The following BCL2 variants were observed in gnomAD, a reference collection of about 807,000 sequenced individuals.
The protein encoded by BCL2 is apoptosis regulator Bcl-2.
In BCL2, 1 loss-of-function variant was observed where a neutral mutation model predicts 14.2. The ratio of observed to expected loss-of-function variants is 0.07; its 90% CI spans 0.02 to 0.33. The LOEUF (loss-of-function observed/expected upper bound fraction) is 0.33, where lower values mean the gene tolerates loss of function less well. Among genes scored for constraint, BCL2 ranks in the 10% least tolerant of loss-of-function variants. The pLI, the probability that BCL2 is intolerant of heterozygous loss-of-function variation, is 0.99. For missense variants in BCL2, 247 were observed against 305.9 expected (o/e 0.81, Z 1.44); for synonymous variants, 151 against 137.2 (o/e 1.10, Z -0.70).
At chr18:63,236,397 A>C (rs1386657746) in intron 2 of BCL2, among the ~76,000 whole-genome samples, 1 of 97,852 alleles carries the variant, frequency 1.0e-5, no homozygotes, top group African/African-American at 4.0e-5. Context: ...GGTGCGGGAC[A>C]AAAAGCTGAC....
chr18:63,319,221 T>C lies in BCL2; in HGVS notation c.-334A>G. On this transcript the variant is annotated 5_prime_UTR_variant, in exon 1 of 3. Coordinates refer to ENST00000333681, the MANE Select transcript of BCL2 (RefSeq NM_000633.3). ...GATCCTCTGTCAAGTTTCCTTTTTGTAAAACCAAAACAAATGCATAAGGCA... is the reference window on the plus strand; with the variant it reads ...GATCCTCTGTCAAGTTTCCTTTTTGCAAAACCAAAACAAATGCATAAGGCA... The C allele has an allele frequency of 3.2e-6, 1 of 308,394 alleles. No homozygotes were observed. The highest frequency in any genetic ancestry group is 5.3e-6 in the Non-Finnish European group (1 of 187,900). The allele number at this position is 308,394 out of a possible 1,614,324, so 19.1% of individuals were successfully genotyped here. A position where few individuals can be genotyped will look rare whatever the true frequency, so the allele number is the denominator to read the frequency against.
intron 2 of BCL2, among the ~76,000 whole-genome samples, chr18:63,201,572 C>G (rs1909694493): frequency 2.0e-5 from 3 of 152,098 alleles, no homozygotes; most frequent in Admixed American, 1.3e-4. Flanking sequence ...GACTTGGAAC[C>G]AACCCAAATG....
At chr18:63,277,669 G>C (rs1387212465) in intron 2 of BCL2, among the ~76,000 whole-genome samples, 1 of 150,664 alleles carries the variant, frequency 6.6e-6, no homozygotes, top group African/African-American at 2.4e-5. Flanking sequence ...AATGGGCTTA[G>C]CTTCCCCAGG....
chr18:63,195,573 G>A (rs1909424582), intron 2 of BCL2, among the ~76,000 whole-genome samples: 1 of 152,010 alleles, frequency 6.6e-6, no homozygotes, highest in Non-Finnish European at 1.5e-5. Context: ...ACCTGGAGAG[G>A]ACCACTTGGG....
intron 2 of BCL2, among the ~76,000 whole-genome samples, chr18:63,143,831 A>T (rs1263842636): frequency 6.6e-6 from 1 of 152,226 alleles, no homozygotes; most frequent in Non-Finnish European, 1.5e-5. Flanking sequence ...GCATTCAGGG[A>T]TGCAAACATT....
chr18:63,147,955 C>G (rs943114137), intron 2 of BCL2, among the ~76,000 whole-genome samples: 1 of 152,170 alleles, frequency 6.6e-6, no homozygotes, highest in African/African-American at 2.4e-5. Context: ...AAAGTTTCCA[C>G]ATTTAAGTCT....
At chr18:63,255,209 C>T (rs1387434397) in intron 2 of BCL2, among the ~76,000 whole-genome samples, 1 of 152,328 alleles carries the variant, frequency 6.6e-6, no homozygotes, top group African/African-American at 2.4e-5. Context: ...GTCACCTTCT[C>T]TAGTTTCATA....
At chr18:63,295,880 G>T (rs1912783317) in intron 2 of BCL2, among the ~76,000 whole-genome samples, 1 of 152,090 alleles carries the variant, frequency 6.6e-6, no homozygotes, top group Non-Finnish European at 1.5e-5. Flanking sequence ...TGACAGGTGG[G>T]ATCCACCAAC....
At chr18:63,183,608 A>C (rs1297521474) in intron 2 of BCL2, among the ~76,000 whole-genome samples, 4 of 152,188 alleles carry the variant, frequency 2.6e-5, no homozygotes, top group African/African-American at 9.7e-5. Context: ...ACAAGAAGTA[A>C]ACCAATTCTG....
Position 63,145,904 on chromosome 18 carries a change from C to T in BCL2, c.586-17145G>A, listed in dbSNP as rs191737199. Among the ~76,000 whole-genome samples the T allele has an allele frequency of 2.8e-3, 427 of 152,298 alleles. 1 individual carries two copies. Among genetic ancestry groups the T allele is most frequent in the African/African-American group, 9.5e-3 (393 of 41,566 alleles). On this transcript the variant is annotated intron_variant, in intron 2 of 2. Coordinates refer to ENST00000333681, the MANE Select transcript of BCL2 (RefSeq NM_000633.3). Reference sequence around the variant, plus strand: ...GACCCTGCTCTGTGGGGTAGCTGAACAGCGAGGAGTTGGTGGGAGACAAAA... The same window carrying T: ...GACCCTGCTCTGTGGGGTAGCTGAATAGCGAGGAGTTGGTGGGAGACAAAA...
At chr18:63,179,133 T>C (rs1182611628) in intron 2 of BCL2, among the ~76,000 whole-genome samples, 1 of 152,206 alleles carries the variant, frequency 6.6e-6, no homozygotes, top group Non-Finnish European at 1.5e-5. Context: ...GCCCAATGGC[T>C]GTTTTAACCT....
chr18:63,243,947 T>A (rs959296783), intron 2 of BCL2, among the ~76,000 whole-genome samples: 3 of 152,172 alleles, frequency 2.0e-5, no homozygotes, highest in African/African-American at 7.2e-5. Context: ...CTCTCAAGAT[T>A]TCTAGAAGTT....
intron 2 of BCL2, among the ~76,000 whole-genome samples, chr18:63,300,169 C>T (rs993649008): frequency 6.6e-6 from 1 of 152,160 alleles, no homozygotes; most frequent in Admixed American, 6.6e-5. Context: ...TTAATTTATG[C>T]ACAGACAGAA....
chr18:63,160,457 T>C (rs1298241483), intron 2 of BCL2, among the ~76,000 whole-genome samples: 1 of 152,190 alleles, frequency 6.6e-6, no homozygotes, highest in Non-Finnish European at 1.5e-5. Flanking sequence ...TGAGGCTGAA[T>C]AGTCACATCC....
intron 2 of BCL2, among the ~76,000 whole-genome samples, chr18:63,258,691 G>A (rs1190611196): frequency 6.6e-6 from 1 of 152,222 alleles, no homozygotes; most frequent in Non-Finnish European, 1.5e-5. Flanking sequence ...GCTTCAGGGG[G>A]AGCAGAGCCG....
intron 2 of BCL2, among the ~76,000 whole-genome samples, chr18:63,289,407 A>G (rs1316947106): frequency 6.6e-6 from 1 of 152,188 alleles, no homozygotes; most frequent in Non-Finnish European, 1.5e-5. Context: ...ATGGGAACAG[A>G]ATACTCTGGG....
At chr18:63,266,485 T>A (rs1316250025) in intron 2 of BCL2, among the ~76,000 whole-genome samples, 1 of 151,822 alleles carries the variant, frequency 6.6e-6, no homozygotes, top group Admixed American at 6.6e-5. Context: ...GTATACACTT[T>A]GTATTTTTTG....
chr18:63,292,411 A>G (rs1912677345), intron 2 of BCL2, among the ~76,000 whole-genome samples: 1 of 152,164 alleles, frequency 6.6e-6, no homozygotes, highest in African/African-American at 2.4e-5. Context: ...AAGAATGGCA[A>G]TCTAATAGGT....
At chr18:63,287,914 A>G (rs182201787) in intron 2 of BCL2, among the ~76,000 whole-genome samples, 1 of 152,340 alleles carries the variant, frequency 6.6e-6, no homozygotes, top group East Asian at 1.9e-4. Context: ...GGAAAGCTCT[A>G]TCTCACAGAT....
Sources: allele counts gnomAD v4.1 joint callset (sites outside exome capture counted in the v4.1 genomes callset), GRCh38; gene constraint gnomAD v4.1.1; transcripts MANE v1.5; gene names NCBI Gene and HGNC (gene_info 2026-07-23, HGNC 2026-07-21).